The following SRP72 variants were observed in gnomAD, a reference collection of about 807,000 sequenced individuals.
The protein encoded by SRP72 is signal recognition particle 72, also known as signal recognition particle subunit SRP72.
Under a neutral mutation model 96.3 loss-of-function variants are expected in SRP72, and 49 were observed. The observed-to-expected ratio is 0.51, with a 90% CI of 0.40 to 0.65. The LOEUF is 0.65. SRP72 is among the 30% of genes least tolerant of loss of function. The probability of loss-of-function intolerance (pLI) is 0.00; values close to 1 mark genes in which losing one functional copy is unlikely to be tolerated. For missense variants in SRP72, 736 were observed against 793.3 expected (o/e 0.93, Z 0.87); for synonymous variants, 267 against 275.2 (o/e 0.97, Z 0.30).
In SRP72 at chr4:56,467,633, A is replaced by T; in HGVS notation, c.-3A>T. On this transcript the variant is annotated 5_prime_UTR_variant, in exon 1 of 19. Transcript: ENST00000642900. ...CCCCGCCCCGCCCCTCGTCTCCTCC[A>T]AGATGGCGAGCGGCGGCAGCGGGGG... 3.9e-6 allele frequency: 6 copies of T among 1,558,278 alleles called. No individual in the cohort carries two copies. Among genetic ancestry groups the T allele is most frequent in the Non-Finnish European group, 5.2e-6 (6 of 1,153,718 alleles).
Position 56,469,777 on chromosome 4 carries a change from A to G in SRP72, c.230+4A>G. Reference sequence around the variant, plus strand: ...CTCACACCAAAGTGTTAGCCAAGTAAGTGATTCAGTTAGTTGCTTGTACAG... The same window carrying G: ...CTCACACCAAAGTGTTAGCCAAGTAGGTGATTCAGTTAGTTGCTTGTACAG... On this transcript the variant is annotated splice_donor_region_variant and intron_variant, in intron 2 of 18. Transcript: ENST00000642900. 1 of 1,603,808 alleles carries G rather than the reference A, an allele frequency of 6.2e-7. No homozygotes were observed. Among genetic ancestry groups the G allele is most frequent in the Non-Finnish European group, 8.5e-7 (1 of 1,172,384 alleles).
Position 56,474,134 on chromosome 4 carries a change from G to C in SRP72, c.435G>C (p.Glu145Asp). 3.1e-6 allele frequency: 5 copies of C among 1,614,198 alleles called. No homozygotes were observed. The highest frequency in any genetic ancestry group is 4.2e-6 in the Non-Finnish European group (5 of 1,180,036). ...GAAACTCCCAAGATGATTATGATGA[G>C]GAGAGGAAAACAAACCTTTCAGCAG... ...LVRNSQDDYD[E>D]ERKTNLSAVV... Residue 145 changes from glutamate to aspartate, a missense_variant, in exon 4 of 19, where the codon GAG (glutamate) becomes GAC (aspartate). By Grantham distance (45) the Glu-to-Asp change is conservative (BLOSUM62 2). Coordinates refer to ENST00000642900, the MANE Select transcript of SRP72 (RefSeq NM_006947.4).
At position 56,471,697 on chromosome 4, in the gene SRP72, A is replaced by G. The variant is rs746626054; in HGVS notation, c.231-23A>G. On this transcript the variant is annotated intron_variant, in intron 2 of 18. Transcript: ENST00000642900. The stretch of plus-strand genomic sequence containing the variant: ...TTGCATTGTTAGATAATAATCAGAT[A>G]CTGTTTTTTTTTCCTTCTTCAGTAA... 12 of 1,611,220 alleles carry G rather than the reference A, an allele frequency of 7.4e-6. 1 individual carries two copies. In the South Asian group the frequency reaches 1.3e-4, roughly 18 times the overall value.
intron 3 of SRP72, among the ~76,000 whole-genome samples, chr4:56,473,497 G>A (rs976882816): frequency 6.6e-6 from 1 of 151,258 alleles, no homozygotes; most frequent in Non-Finnish European, 1.5e-5. Context: ...GGTCGGGTGC[G>A]GTGGCTCACG....
At chr4:56,483,437 G>A (rs1465029958) in intron 9 of SRP72, among the ~76,000 whole-genome samples, 167 bp downstream of exon 9, 3 of 151,934 alleles carry the variant, frequency 2.0e-5, no homozygotes, top group Non-Finnish European at 4.4e-5. Flanking sequence ...TATTGGCTGG[G>A]CACAATGGCT....
chr4:56,483,638 C>A (rs564217942), intron 9 of SRP72, among the ~76,000 whole-genome samples: 1 of 151,436 alleles, frequency 6.6e-6, no homozygotes, highest in East Asian at 1.9e-4. Flanking sequence ...CACTTCACTC[C>A]AGCCTGGGCA....
rs1560688487 is a variant in SRP72, at chr4:56,495,337, A to T, written c.1641-20A>T. ...ATATTTTATCACAAAGATGGTAATGATTTTTTTTTCTCTTTGTAGACAGGG... is the reference window on the plus strand; with the variant it reads ...ATATTTTATCACAAAGATGGTAATGTTTTTTTTTTCTCTTTGTAGACAGGG... On this transcript the variant is annotated intron_variant, in intron 16 of 18. Transcript: ENST00000642900. 1 of 1,450,934 alleles carries T rather than the reference A, an allele frequency of 6.9e-7. No individual in the cohort carries two copies. The highest frequency in any genetic ancestry group is 9.5e-7 in the Non-Finnish European group (1 of 1,051,752). The allele number at this position is 1,450,934 out of a possible 1,614,324, so 89.9% of individuals were successfully genotyped here.
intron 2 of SRP72, among the ~76,000 whole-genome samples, chr4:56,470,088 C>G (rs560398132): frequency 1.3e-5 from 2 of 150,136 alleles, no homozygotes; most frequent in South Asian, 4.2e-4. Flanking sequence ...ATAACTCAGT[C>G]GAAGTTTCTT....
intron 8 of SRP72, 112 bp from the exon 9 acceptor site, chr4:56,483,027 A>T: frequency 3.2e-6 from 3 of 942,516 alleles, no homozygotes; most frequent in Non-Finnish European, 4.7e-6. Context: ...TAGGCACCCC[A>T]ATCAGGTAGA....
At chr4:56,471,433 C>G (rs1191381175) in intron 2 of SRP72, among the ~76,000 whole-genome samples, 1 of 152,178 alleles carries the variant, frequency 6.6e-6, no homozygotes, top group African/African-American at 2.4e-5. Flanking sequence ...AAGACAATTA[C>G]TTATTTAGCA....
chr4:56,488,171 C>G (rs140637657), intron 12 of SRP72, among the ~76,000 whole-genome samples, 158 bp downstream of exon 12: 1 of 152,270 alleles, frequency 6.6e-6, no homozygotes, highest in Non-Finnish European at 1.5e-5. Context: ...TAATTTCATT[C>G]TCTGCTCTGG....
rs535338317 is a variant in SRP72, at chr4:56,503,277, G to A, written c.*1416G>A. On this transcript the variant is annotated 3_prime_UTR_variant, in exon 19 of 19. Transcript: ENST00000642900. ...CTTTTTTTGAGCTCTACAGAGAACAGTCTTTTGGTAATAGTGGCAGGTATT... is the reference window on the plus strand; with the variant it reads ...CTTTTTTTGAGCTCTACAGAGAACAATCTTTTGGTAATAGTGGCAGGTATT... 54 of 152,248 alleles carry A rather than the reference G, an allele frequency of 3.5e-4. No individual in the cohort carries two copies. Among genetic ancestry groups the A allele is most frequent in the Middle Eastern group, 3.4e-3 (1 of 294 alleles). 9.4% of individuals were successfully genotyped at this position (152,248 alleles called of 1,614,324 possible). A position where few individuals can be genotyped will look rare whatever the true frequency, so the allele number is the denominator to read the frequency against.
At chr4:56,475,260 A>C (rs976921632) in intron 5 of SRP72, among the ~76,000 whole-genome samples, 1 of 152,222 alleles carries the variant, frequency 6.6e-6, no homozygotes, top group Non-Finnish European at 1.5e-5. Flanking sequence ...TCTGTTTAAG[A>C]ATTATAATTT....
At chr4:56,473,545 G>T (rs1040365476) in intron 3 of SRP72, among the ~76,000 whole-genome samples, 1 of 151,572 alleles carries the variant, frequency 6.6e-6, no homozygotes, top group Admixed American at 6.6e-5. Context: ...GAGGTGGGCG[G>T]ATCACTTGAG....
chr4:56,490,735 G>A (rs892824665), intron 15 of SRP72, 90 bp downstream of exon 15: 4 of 1,084,978 alleles, frequency 3.7e-6, no homozygotes, highest in African/African-American at 3.2e-5. Flanking sequence ...TTTTTCAATT[G>A]TAAACTGCAA....
intron 12 of SRP72, 72 bp from the exon 13 acceptor site, chr4:56,489,316 G>A (rs576420032): frequency 3.2e-5 from 25 of 790,796 alleles, no homozygotes; most frequent in African/African-American, 5.2e-5. Context: ...TTTCTTCAGC[G>A]TTTTTTATTT....
In SRP72 at chr4:56,501,875, G is replaced by T; in HGVS notation, c.*14G>T. ...GGTGGCTGGTGATGAGAATATTCTTGTTGCAGGCTGTTTTTAAACTAGTGT... is the reference window on the plus strand; with the variant it reads ...GGTGGCTGGTGATGAGAATATTCTTTTTGCAGGCTGTTTTTAAACTAGTGT... On this transcript the variant is annotated 3_prime_UTR_variant, in exon 19 of 19. Transcript: ENST00000642900. 1 of 1,613,818 alleles carries T rather than the reference G, an allele frequency of 6.2e-7. No individual in the cohort carries two copies.
intron 8 of SRP72, among the ~76,000 whole-genome samples, chr4:56,479,036 G>T (rs1720364160): frequency 6.6e-6 from 1 of 151,936 alleles, no homozygotes; most frequent in South Asian, 2.1e-4. Context: ...TTTCTCTCGG[G>T]TTTTCTTTTT....
chr4:56,468,301 G>A (rs1415757081), intron 1 of SRP72, among the ~76,000 whole-genome samples: 1 of 152,280 alleles, frequency 6.6e-6, no homozygotes, highest in South Asian at 2.1e-4. Flanking sequence ...CCATAGATGA[G>A]ATCTCTTCAG....
Sources: allele counts gnomAD v4.1 joint callset (sites outside exome capture counted in the v4.1 genomes callset), GRCh38; gene constraint gnomAD v4.1.1; transcripts MANE v1.5; gene names NCBI Gene and HGNC (gene_info 2026-07-23, HGNC 2026-07-21).